PCDH15: variants seen among roughly 807,000 people sequenced by gnomAD.
PCDH15 encodes protocadherin-15.
A neutral mutation model predicts 178.5 loss-of-function variants in PCDH15; 129 were observed. The ratio of observed to expected loss-of-function variants is 0.72; its 90% CI spans 0.63 to 0.84. PCDH15 has a LOEUF of 0.84. Ranked by LOEUF, PCDH15 falls within the 40% of genes least tolerant of loss-of-function variation. PCDH15 has a pLI of 0.00. For missense variants in PCDH15, 2,230 were observed against 2,099.9 expected, an observed-to-expected ratio of 1.06 and a Z score of -1.21; for synonymous variants, 800 against 732.0, an observed-to-expected ratio of 1.09 and a Z score of -1.50.
intron 2 of PCDH15, among the ~76,000 whole-genome samples, chr10:55,404,121 G>T (rs1441072199): frequency 6.6e-6 from 1 of 151,860 alleles, no homozygotes; most frequent in Non-Finnish European, 1.5e-5. Flanking sequence ...AGATTAATAA[G>T]AATACCCCCC....
intron 2 of PCDH15, among the ~76,000 whole-genome samples, chr10:55,364,160 G>GCTTCCC (rs758977538): frequency 1.3e-5 from 2 of 152,128 alleles, no homozygotes; most frequent in Admixed American, 6.6e-5. Context: ...AAAGGGCCTT[G>GCTTCCC]CTTCCCCTTC....
intron 9 of PCDH15, among the ~76,000 whole-genome samples, chr10:54,223,160 A>C (rs938035717): frequency 2.0e-5 from 3 of 151,902 alleles, no homozygotes; most frequent in African/African-American, 4.8e-5. Flanking sequence ...AAAAATAGAG[A>C]ATCAGCCAGG....
At chr10:53,807,195 G>A in intron 37 of PCDH15, 65 bp from the exon 38 acceptor site, 1 of 1,312,088 alleles carries the variant, frequency 7.6e-7, no homozygotes, top group Non-Finnish European at 1.0e-6. Flanking sequence ...TGATTACATT[G>A]CCTGTGAAAT....
At chr10:55,205,979 C>G (rs1350247424) in intron 1 of PCDH15, among the ~76,000 whole-genome samples, 2 of 151,854 alleles carry the variant, frequency 1.3e-5, no homozygotes, top group African/African-American at 4.8e-5. Context: ...CTGGTGAGAT[C>G]CATTCACTAT....
intron 3 of PCDH15, among the ~76,000 whole-genome samples, chr10:54,836,953 A>C (rs1022264373): frequency 6.6e-6 from 1 of 152,148 alleles, no homozygotes; most frequent in African/African-American, 2.4e-5. Context: ...CAAATGGATC[A>C]GAAACCTGTT....
chr10:54,169,001 C>T (rs2133580004), intron 13 of PCDH15, among the ~76,000 whole-genome samples: 1 of 152,292 alleles, frequency 6.6e-6, no homozygotes, highest in Non-Finnish European at 1.5e-5. Flanking sequence ...GGCGTTCCTC[C>T]AGAACCTCCT....
At chr10:54,863,338 C>A (rs998958491) in intron 3 of PCDH15, among the ~76,000 whole-genome samples, 1 of 152,014 alleles carries the variant, frequency 6.6e-6, no homozygotes, top group Non-Finnish European at 1.5e-5. Context: ...GTCAGGAGAT[C>A]GAGACCATCC....
chr10:54,429,640 A>G (rs1437694456), intron 3 of PCDH15, among the ~76,000 whole-genome samples: 1 of 152,190 alleles, frequency 6.6e-6, no homozygotes. Context: ...GCACGGAAAA[A>G]TATATTCTAT....
intron 13 of PCDH15, among the ~76,000 whole-genome samples, chr10:54,161,573 C>G (rs1423704526): frequency 7.0e-6 from 1 of 143,050 alleles, no homozygotes; most frequent in African/African-American, 2.5e-5. Context: ...TGAATAAACA[C>G]AGAAATTGAC....
At chr10:54,137,721 G>T (rs1334447395) in intron 14 of PCDH15, among the ~76,000 whole-genome samples, 1 of 152,182 alleles carries the variant, frequency 6.6e-6, no homozygotes, top group Non-Finnish European at 1.5e-5. Context: ...TTGGATTTGA[G>T]ATTGTCACCA....
chr10:54,339,811 C>G (rs1216880555), intron 6 of PCDH15, among the ~76,000 whole-genome samples: 3 of 152,178 alleles, frequency 2.0e-5, no homozygotes, highest in Non-Finnish European at 4.4e-5. Flanking sequence ...TAGGTGATGT[C>G]TGATCACCCT....
chr10:54,515,282 T>G (rs1043486345), intron 3 of PCDH15, among the ~76,000 whole-genome samples: 1 of 152,196 alleles, frequency 6.6e-6, no homozygotes, highest in Non-Finnish European at 1.5e-5. Flanking sequence ...ACCTTAATAC[T>G]GCACTTTTCC....
chr10:54,080,426 T>G (rs1336516727), intron 16 of PCDH15, among the ~76,000 whole-genome samples: 1 of 152,154 alleles, frequency 6.6e-6, no homozygotes. Flanking sequence ...TGTACACATT[T>G]TAATCGAGCC....
chr10:55,160,469 G>A (rs2680316), intron 2 of PCDH15, among the ~76,000 whole-genome samples: 108,969 of 151,776 alleles, frequency 0.72, 40,849 homozygotes, highest in Non-Finnish European at 0.84. Flanking sequence ...CAAAACTCTC[G>A]AAACTACTTA....
intron 5 of PCDH15, among the ~76,000 whole-genome samples, chr10:54,361,158 C>A (rs1966747): frequency 6.6e-6 from 1 of 152,048 alleles, no homozygotes; most frequent in Non-Finnish European, 1.5e-5. Flanking sequence ...ACTCAGGTCC[C>A]TAATTGACCC....
chr10:54,852,729 T>A (rs1393448647), intron 3 of PCDH15, among the ~76,000 whole-genome samples: 1 of 151,716 alleles, frequency 6.6e-6, no homozygotes, highest in Non-Finnish European at 1.5e-5. Context: ...GGTAGGCGCC[T>A]GTAATCCCAG....
chr10:55,197,254 C>A (rs1840117286), intron 1 of PCDH15, among the ~76,000 whole-genome samples: 1 of 151,922 alleles, frequency 6.6e-6, no homozygotes, highest in African/African-American at 2.4e-5. Flanking sequence ...AAAACGTTTC[C>A]TTACAAATTA....
chr10:55,043,132 T>A (rs1040252467), intron 2 of PCDH15, among the ~76,000 whole-genome samples: 1 of 151,864 alleles, frequency 6.6e-6, no homozygotes, highest in South Asian at 2.1e-4. Context: ...TGTTTGTTTG[T>A]TTTTAGAACT....
intron 10 of PCDH15, among the ~76,000 whole-genome samples, chr10:54,201,686 A>C (rs2133982477): frequency 6.6e-6 from 1 of 152,228 alleles, no homozygotes; most frequent in African/African-American, 2.4e-5. Context: ...TATTTTTTTA[A>C]AAATTAAGTG....
Sources: gnomAD v4.1 joint callset for allele counts (sites outside exome capture counted in the v4.1 genomes callset) on GRCh38, gnomAD v4.1.1 for gene constraint, MANE v1.5 for transcripts, NCBI Gene and HGNC (gene_info 2026-07-23, HGNC 2026-07-21) for gene names.